The following PTPRD variants were observed in gnomAD, a reference collection of about 807,000 sequenced individuals.
PTPRD encodes the protein protein tyrosine phosphatase receptor type D, also known as receptor-type tyrosine-protein phosphatase delta.
Under a neutral mutation model 214.5 loss-of-function variants are expected in PTPRD, and 34 were observed. That is an observed-to-expected ratio of 0.16 (90% CI 0.12 to 0.21). PTPRD has a LOEUF of 0.21. PTPRD is among the 10% of genes least tolerant of loss of function. PTPRD has a pLI of 1.00. For missense variants in PTPRD, 2,545 were observed against 2,398.7 expected (o/e 1.06, Z -1.27); for synonymous variants, 1,128 against 845.7 (o/e 1.33, Z -5.79).
At chr9:9,546,976 A>T (rs926717602) in intron 8 of PTPRD, among the ~76,000 whole-genome samples, 114 of 152,014 alleles carry the variant, frequency 7.5e-4, no homozygotes, top group Non-Finnish European at 9.3e-4. Flanking sequence ...GTTAAAAAAA[A>T]AAATAAAAAT....
At chr9:10,443,599 T>C (rs79127778) in intron 2 of PTPRD, among the ~76,000 whole-genome samples, 2,150 of 151,812 alleles carry the variant, frequency 0.014, 37 homozygotes, top group African/African-American at 0.046. Flanking sequence ...GTTACATTAC[T>C]TGATGCCTCA....
chr9:8,371,032 G>T (rs1299239812), intron 39 of PTPRD, among the ~76,000 whole-genome samples: 1 of 152,088 alleles, frequency 6.6e-6, no homozygotes, highest in Non-Finnish European at 1.5e-5. Context: ...TGTTGAATAA[G>T]TGCTCAACTA....
At chr9:10,168,111 T>A (rs999815779) in intron 3 of PTPRD, among the ~76,000 whole-genome samples, 1 of 152,176 alleles carries the variant, frequency 6.6e-6, no homozygotes, top group African/African-American at 2.4e-5. Context: ...TGGAAACATA[T>A]TTGCTTTTGC....
chr9:9,974,140 T>C (rs1587889834), intron 4 of PTPRD, among the ~76,000 whole-genome samples: 1 of 152,318 alleles, frequency 6.6e-6, no homozygotes, highest in South Asian at 2.1e-4. Context: ...GGAGAAGCCA[T>C]CCTCAATTTC....
chr9:9,667,552 C>A (rs868029213), intron 7 of PTPRD, among the ~76,000 whole-genome samples: 1 of 152,078 alleles, frequency 6.6e-6, no homozygotes, highest in Non-Finnish European at 1.5e-5. Context: ...TTTTCTACCC[C>A]TTAGAAGCTG....
chr9:10,539,255 G>A (rs532373497), intron 2 of PTPRD, among the ~76,000 whole-genome samples: 6 of 152,292 alleles, frequency 3.9e-5, no homozygotes, highest in Non-Finnish European at 7.4e-5. Context: ...TGTGATCTCA[G>A]CTCACTGCAA....
intron 14 of PTPRD, among the ~76,000 whole-genome samples, chr9:8,632,575 T>C (rs984584310): frequency 6.6e-6 from 1 of 151,920 alleles, no homozygotes; most frequent in Non-Finnish European, 1.5e-5. Flanking sequence ...ATTGGGAATG[T>C]TCGTATCTCT....
At chr9:10,052,054 C>G (rs2097545115) in intron 3 of PTPRD, among the ~76,000 whole-genome samples, 1 of 152,126 alleles carries the variant, frequency 6.6e-6, no homozygotes, top group African/African-American at 2.4e-5. Context: ...AAGCAAACCT[C>G]CTGTCTCAGG....
At chr9:9,912,841 T>A (rs1291796036) in intron 5 of PTPRD, among the ~76,000 whole-genome samples, 1 of 152,224 alleles carries the variant, frequency 6.6e-6, no homozygotes, top group Non-Finnish European at 1.5e-5. Flanking sequence ...CAAGAGTTTT[T>A]ATATTTTGCT....
chr9:9,656,860 T>C (rs1037432843), intron 7 of PTPRD, among the ~76,000 whole-genome samples: 2 of 151,768 alleles, frequency 1.3e-5, no homozygotes, highest in Admixed American at 6.6e-5. Context: ...TGTAGGTGAA[T>C]AGGAAAAGAT....
chr9:9,101,049 C>G (rs1020521282), intron 10 of PTPRD, among the ~76,000 whole-genome samples: 1 of 151,824 alleles, frequency 6.6e-6, no homozygotes, highest in Admixed American at 6.6e-5. Flanking sequence ...GTTTAAAAAT[C>G]AGCACATACA....
chr9:9,190,752 T>C (rs1312985600), intron 9 of PTPRD, among the ~76,000 whole-genome samples: 2 of 152,134 alleles, frequency 1.3e-5, no homozygotes, highest in Non-Finnish European at 2.9e-5. Context: ...AAATGTACTA[T>C]GATATCAACC....
intron 11 of PTPRD, among the ~76,000 whole-genome samples, chr9:9,004,947 A>G (rs1257339831): frequency 6.6e-6 from 1 of 152,042 alleles, no homozygotes. Flanking sequence ...AAATGAGCTA[A>G]TTTTCAGTGT....
chr9:8,478,536 T>C (rs963111233), intron 30 of PTPRD, among the ~76,000 whole-genome samples: 15 of 152,332 alleles, frequency 9.8e-5, no homozygotes, highest in Non-Finnish European at 1.5e-4. Flanking sequence ...TTGTGCATTT[T>C]TTAAATACCC....
At chr9:10,391,573 G>A (rs560656100) in intron 2 of PTPRD, among the ~76,000 whole-genome samples, 3 of 151,766 alleles carry the variant, frequency 2.0e-5, no homozygotes, top group African/African-American at 7.2e-5. Context: ...GTAAATCTCT[G>A]TCAACATTTC....
At chr9:9,056,887 G>A (rs1180318370) in intron 10 of PTPRD, among the ~76,000 whole-genome samples, 1 of 152,166 alleles carries the variant, frequency 6.6e-6, no homozygotes, top group African/African-American at 2.4e-5. Context: ...GAATCCATCA[G>A]GATGATGCTT....
At chr9:9,678,275 A>T (rs1309358788) in intron 7 of PTPRD, among the ~76,000 whole-genome samples, 1 of 152,146 alleles carries the variant, frequency 6.6e-6, no homozygotes, top group Non-Finnish European at 1.5e-5. Context: ...ATCTTAAGCC[A>T]AAAGAAGAAA....
At chr9:9,960,000 T>C (rs1587379529) in intron 4 of PTPRD, among the ~76,000 whole-genome samples, 1 of 152,110 alleles carries the variant, frequency 6.6e-6, no homozygotes, top group Admixed American at 6.5e-5. Flanking sequence ...CTAGAAGAAA[T>C]GGCAGACAGT....
At chr9:9,697,779 C>T (rs966126389) in intron 7 of PTPRD, among the ~76,000 whole-genome samples, 7 of 152,112 alleles carry the variant, frequency 4.6e-5, no homozygotes, top group Non-Finnish European at 7.4e-5. Flanking sequence ...TCAACTTCCT[C>T]GAACACAAAT....
Sources: allele counts gnomAD v4.1 joint callset (sites outside exome capture counted in the v4.1 genomes callset), GRCh38; gene constraint gnomAD v4.1.1; transcripts MANE v1.5; gene names NCBI Gene and HGNC (gene_info 2026-07-23, HGNC 2026-07-21).